Variants in ANK2 observed in about 807,000 individuals in gnomAD.
The protein encoded by ANK2 is ankyrin-2.
ANK2 carries 83 observed loss-of-function variants against 360.5 expected under a neutral mutation model. The ratio of observed to expected loss-of-function variants is 0.23; its 90% CI spans 0.19 to 0.28. The LOEUF (loss-of-function observed/expected upper bound fraction) is 0.28. Ranked by LOEUF, ANK2 falls within the 10% of genes least tolerant of loss-of-function variation. ANK2 has a pLI of 1.00. For synonymous variants in ANK2, 1,740 were observed against 1,759.5 expected, an observed-to-expected ratio of 0.99 and a Z score of 0.28; for missense variants, 4,201 against 4,795.7, an observed-to-expected ratio of 0.88 and a Z score of 3.66.
chr4:113,261,185 A>T (rs186294359), intron 13 of ANK2, among the ~76,000 whole-genome samples: 2 of 149,616 alleles, frequency 1.3e-5, no homozygotes, highest in East Asian at 3.9e-4. Flanking sequence ...ACGTATAGAC[A>T]TTTTTTTTTT....
At chr4:112,979,240 AGGTGTGCCG>A (rs1561384273) in intron 2 of ANK2, among the ~76,000 whole-genome samples, 1 of 152,200 alleles carries the variant, frequency 6.6e-6, no homozygotes. Context: ...CTGCGCAGTC[AGGTGTGCCG>A]GCTGCAGCAA....
rs115897414 is a variant in ANK2 at position 112,819,918 on chromosome 4, A to G, written c.-40+1654A>G. Among the ~76,000 whole-genome samples the G allele has an allele frequency of 8.3e-3, 1,270 of 152,254 alleles. 11 individuals carry two copies. The highest frequency in any genetic ancestry group is 0.013 in the Non-Finnish European group (865 of 68,024). ...GATCTGGCCCTCCGTCTCTGCCTAG[A>G]CCACACCCCCTTTTTTGGCCACATG... On this transcript the variant is annotated intron_variant, in intron 1 of 30. Transcript: ENST00000503271.
intron 1 of ANK2, among the ~76,000 whole-genome samples, chr4:112,850,901 C>G (rs897678235): frequency 6.6e-6 from 1 of 151,956 alleles, no homozygotes. Flanking sequence ...CATCTTTTGC[C>G]CATTTCTTTA....
At chr4:113,336,473 T>A (rs1358864385) in intron 30 of ANK2, 104 bp from the exon 31 acceptor site, 2 of 1,144,556 alleles carry the variant, frequency 1.7e-6, no homozygotes, top group African/African-American at 1.6e-5. Context: ...ATTTGTAAGA[T>A]AAAAAATACT....
In ANK2 at chr4:112,981,190, C is replaced by G. The variant is rs888866330; in HGVS notation, c.21+76676C>G. ...GCTCAAGTGAAGTGCATGCTCAAGGCTCCACTGGCATATGATTAAGGGAAG... is the reference window on the plus strand; with the variant it reads ...GCTCAAGTGAAGTGCATGCTCAAGGGTCCACTGGCATATGATTAAGGGAAG... On this transcript the variant is annotated intron_variant, in intron 2 of 30. Transcript: ENST00000503271. Among the ~76,000 whole-genome samples, 4 of 152,200 alleles carry G rather than the reference C, an allele frequency of 2.6e-5. No homozygotes were observed. In the South Asian group the frequency reaches 8.3e-4, roughly 32 times the overall value.
intron 5 of ANK2, among the ~76,000 whole-genome samples, chr4:113,233,518 T>C (rs1030450177): frequency 3.9e-5 from 6 of 152,190 alleles, no homozygotes; most frequent in Admixed American, 3.3e-4. Context: ...TGGATTCTTG[T>C]TACCCAGAAA....
At chr4:113,157,814 C>T (rs1004906292) in intron 1 of ANK2, among the ~76,000 whole-genome samples, 1 of 152,192 alleles carries the variant, frequency 6.6e-6, no homozygotes, top group African/African-American at 2.4e-5. Context: ...TACCAGTTAT[C>T]AATTTCGGGT....
chr4:113,065,762 A>G (rs1160287262), intron 1 of ANK2, among the ~76,000 whole-genome samples: 2 of 152,212 alleles, frequency 1.3e-5, no homozygotes, highest in African/African-American at 4.8e-5. Flanking sequence ...AGCACAAGCC[A>G]TGTTTCTAAC....
chr4:113,321,815 C>T (rs566172455), intron 26 of ANK2, among the ~76,000 whole-genome samples: 1 of 152,312 alleles, frequency 6.6e-6, no homozygotes, highest in East Asian at 1.9e-4. Context: ...TCACTGCAAC[C>T]TCCACCTCCC....
At chr4:112,856,973 C>T (rs578041562) in intron 1 of ANK2, among the ~76,000 whole-genome samples, 23 of 152,286 alleles carry the variant, frequency 1.5e-4, no homozygotes, top group African/African-American at 4.8e-4. Context: ...AACAACTTAA[C>T]AGGAACTTTG....
chr4:112,728,781 A>G, the ANK2 span, among the ~76,000 whole-genome samples: 7 of 152,192 alleles, frequency 4.6e-5, no homozygotes, highest in African/African-American at 1.7e-4. Context: ...ACATACATGT[A>G]TATACACAGA....
chr4:112,813,149 A>T (rs2055424285), upstream of ANK2, among the ~76,000 whole-genome samples: 1 of 151,818 alleles, frequency 6.6e-6, no homozygotes, highest in African/African-American at 2.4e-5. Flanking sequence ...AAGGCAGGAG[A>T]ATCGCTTGAA....
chr4:112,733,458 A>G, the ANK2 span, among the ~76,000 whole-genome samples: 8 of 152,148 alleles, frequency 5.3e-5, no homozygotes, highest in African/African-American at 1.9e-4. Flanking sequence ...GCATTAGTTC[A>G]TGAGTAATTT....
chr4:113,371,755 G>A (rs185414557), intron 43 of ANK2, among the ~76,000 whole-genome samples: 65 of 152,230 alleles, frequency 4.3e-4, no homozygotes, highest in African/African-American at 1.5e-3. Flanking sequence ...GAATTTACAG[G>A]TCTTCCTTTA....
At chr4:112,930,646 T>C (rs1397246099) in intron 2 of ANK2, among the ~76,000 whole-genome samples, 1 of 151,720 alleles carries the variant, frequency 6.6e-6, no homozygotes, top group African/African-American at 2.4e-5. Flanking sequence ...CCCAGGACTT[T>C]GGGAGGCCGA....
chr4:113,142,889 G>A (rs2096687793), intron 1 of ANK2, among the ~76,000 whole-genome samples: 1 of 151,896 alleles, frequency 6.6e-6, no homozygotes, highest in African/African-American at 2.4e-5. Flanking sequence ...TACCCCAAAT[G>A]GTGTTAACCT....
rs541697255 is a variant in ANK2, at chr4:113,156,492, T to C, written c.85-17924T>C. Among the ~76,000 whole-genome samples, 5 of 151,650 alleles carry C rather than the reference T, an allele frequency of 3.3e-5. No homozygotes were observed. The South Asian group carries it at 6.2e-4, about 19-fold the overall frequency. On this transcript the variant is annotated intron_variant, in intron 1 of 45. Coordinates refer to ENST00000357077, the MANE Select transcript of ANK2 (RefSeq NM_001148.6). ...CTCAAGTGATTCTCGTGCCTCAGCC[T>C]CCCAAGTAGCTGGGACTACAGGTGC...
chr4:113,195,495 G>A (rs572903810), intron 2 of ANK2, among the ~76,000 whole-genome samples: 2 of 152,122 alleles, frequency 1.3e-5, no homozygotes, highest in Admixed American at 1.3e-4. Context: ...ACATTTTGTA[G>A]CATTACTTGG....
At chr4:113,106,896 G>C (rs767701093) in intron 1 of ANK2, 1 of 533,518 alleles carries the variant, frequency 1.9e-6, no homozygotes, top group Non-Finnish European at 3.8e-6. Context: ...GTGAAATAAA[G>C]GTCCATCTCC....
Sources: allele counts gnomAD v4.1 joint callset (sites outside exome capture counted in the v4.1 genomes callset), GRCh38; gene constraint gnomAD v4.1.1; transcripts MANE v1.5; gene names NCBI Gene and HGNC (gene_info 2026-07-23, HGNC 2026-07-21).